NFATC1: variants seen among roughly 807,000 people sequenced by gnomAD.
NFATC1 encodes the protein nuclear factor of activated T-cells, cytoplasmic 1.
Under a neutral mutation model 76.0 loss-of-function variants are expected in NFATC1, and 22 were observed. That is an observed-to-expected ratio of 0.29 (90% CI 0.21 to 0.41). The LOEUF is 0.41. Ranked by LOEUF, NFATC1 falls within the 10% of genes least tolerant of loss-of-function variation. The pLI is 1.00. For missense variants in NFATC1, 1,357 were observed against 1,337.7 expected (o/e 1.01, Z -0.23); for synonymous variants, 704 against 613.1 (o/e 1.15, Z -2.19).
rs2085628605 is a variant in NFATC1, at chr18:79,410,483, C to T, written c.208C>T (p.His70Tyr). The T allele has an allele frequency of 6.2e-7, 1 of 1,612,414 alleles. No homozygotes were observed. Among genetic ancestry groups the T allele is most frequent in the Middle Eastern group, 1.6e-4 (1 of 6,062 alleles). The change falls in exon 2 of 10, where the codon CAC becomes TAC. Residue 70 changes from histidine (H) to tyrosine (Y), a missense_variant. By Grantham distance (83) the His-to-Tyr change is moderately conservative (BLOSUM62 2). This residue lies in a region of NFATC1 where 691 missense variants were observed against 613.1 expected (regional missense o/e 1.13). Coordinates refer to ENST00000427363, the MANE Select transcript of NFATC1 (RefSeq NM_001278669.2). This position sits in a 1 kb window ranked among gnomAD's most constrained non-coding sequence, Gnocchi z 6.7. ...TAHSTLPAPC[H>Y]NLQTSTPGII... ...GCACTCCACCCTGCCGGCCCCGTGC[C>T]ACAACCTTCAGACCTCCACACCGGG... is the stretch of plus-strand genomic sequence containing the variant.
At chr18:79,500,097 T>C (rs1226795366) in intron 9 of NFATC1, among the ~76,000 whole-genome samples, 1 of 152,098 alleles carries the variant, frequency 6.6e-6, no homozygotes, top group African/African-American at 2.4e-5. Context: ...ATAAAACACT[T>C]AAGACTATCA....
intron 3 of NFATC1, among the ~76,000 whole-genome samples, chr18:79,441,910 C>T (rs1234551465): frequency 1.3e-5 from 2 of 152,064 alleles, no homozygotes; most frequent in African/African-American, 2.4e-5. Flanking sequence ...GTGGTGTTTC[C>T]GGGCAGAATC....
chr18:79,486,493 G>A lies in NFATC1; in HGVS notation c.2338G>A (p.Val780Ile), dbSNP rs376070934. ...DLSPAAYTKG[V>I]ASPGHCHLGL... Reference sequence around the variant, plus strand: ...TTCTCCCGCTGCCTACACCAAGGGCGTTGCCAGCCCGGGCCACTGTCACCT... The same window carrying A: ...TTCTCCCGCTGCCTACACCAAGGGCATTGCCAGCCCGGGCCACTGTCACCT... Residue 780 changes from valine to isoleucine, a missense_variant, in exon 9 of 10, where the codon GTT (valine) becomes ATT (isoleucine). Transcript: ENST00000427363. 9.3e-5 allele frequency: 149 copies of A among 1,606,122 alleles called. 1 individual carries two copies. The highest frequency in any genetic ancestry group is 7.9e-4 in the African/African-American group (59 of 75,040).
chr18:79,472,275 C>A (rs1324334136), intron 8 of NFATC1, among the ~76,000 whole-genome samples: 1 of 152,156 alleles, frequency 6.6e-6, no homozygotes, highest in East Asian at 1.9e-4. Context: ...CTCTAGGAAG[C>A]CCCCTCCAGG....
chr18:79,446,936 C>G (rs1467904466), intron 3 of NFATC1, among the ~76,000 whole-genome samples: 1 of 152,230 alleles, frequency 6.6e-6, no homozygotes, highest in East Asian at 1.9e-4. Context: ...CCTTCGATGT[C>G]TCAGCTGGGA....
At position 79,478,475 on chromosome 18, in the gene NFATC1, G is replaced by A. The variant is rs546358757; in HGVS notation, c.2093-7773G>A. ...GCCTGCCCTGGGGCTGCATAGACCC[G>A]GCTGGGGCTTTAGAACAGGAACCGT... is the stretch of plus-strand genomic sequence containing the variant. On this transcript the variant is annotated intron_variant, in intron 8 of 9. Coordinates refer to ENST00000427363, the MANE Select transcript of NFATC1 (RefSeq NM_001278669.2). 5.3e-5 allele frequency among the ~76,000 whole-genome samples: 8 copies of A among 152,290 alleles called. No homozygotes were observed. The East Asian group carries it at 5.8e-4, about 11-fold the overall frequency.
intron 8 of NFATC1, among the ~76,000 whole-genome samples, chr18:79,479,339 C>T (rs2089193372): frequency 2.0e-5 from 3 of 150,690 alleles, no homozygotes; most frequent in Admixed American, 2.0e-4. Context: ...TGTGCGGCCC[C>T]CTCCACGGGC....
intron 3 of NFATC1, among the ~76,000 whole-genome samples, chr18:79,446,489 G>A (rs1272394963): frequency 2.0e-5 from 3 of 152,086 alleles, no homozygotes; most frequent in African/African-American, 4.8e-5. Flanking sequence ...GGAATACTGC[G>A]TGGCAGAATC....
chr18:79,433,735 G>T lies in NFATC1; in HGVS notation c.1383G>T (p.Val461=). ...CGTCGGCCGGAGGACACCCCATCGTGCAGGTAGGCACTGCGGCCAGACTCG... is the reference window on the plus strand; with the variant it reads ...CGTCGGCCGGAGGACACCCCATCGTTCAGGTAGGCACTGCGGCCAGACTCG... ...VKASAGGHPI[V]QLHGYLENEP... The change falls in exon 3 of 10, where the codon GTG becomes GTT. Residue 461 remains valine, a synonymous_variant. Transcript: ENST00000427363. The T allele has an allele frequency of 1.2e-6, 2 of 1,611,712 alleles. No homozygotes were observed. The highest frequency in any genetic ancestry group is 1.7e-6 in the Non-Finnish European group (2 of 1,179,438).
At chr18:79,448,761 T>C in intron 3 of NFATC1, 21 bp from the exon 4 acceptor site, 1 of 1,608,978 alleles carries the variant, frequency 6.2e-7, no homozygotes, top group Non-Finnish European at 8.5e-7. Context: ...GCTGAGCAGG[T>C]GTTTTCTGTT....
chr18:79,449,054 G>C (rs1433555273), intron 4 of NFATC1, 70 bp downstream of exon 4: 74 of 1,499,826 alleles, frequency 4.9e-5, no homozygotes, highest in Non-Finnish European at 6.6e-5. Context: ...TCCCAGTCCC[G>C]GGGGGTCTGG....
intron 9 of NFATC1, among the ~76,000 whole-genome samples, chr18:79,522,317 T>G (rs1601010340): frequency 8.4e-6 from 1 of 118,500 alleles, no homozygotes. Context: ...TGGCGCCTGC[T>G]GATGTGTGTG....
chr18:79,477,141 C>G (rs776387739), intron 8 of NFATC1, among the ~76,000 whole-genome samples: 5 of 152,188 alleles, frequency 3.3e-5, no homozygotes, highest in Non-Finnish European at 7.3e-5. Context: ...CAGCTTCATC[C>G]GCTGTTTTCT....
At chr18:79,437,807 G>A (rs1172537634) in intron 3 of NFATC1, among the ~76,000 whole-genome samples, 1 of 152,232 alleles carries the variant, frequency 6.6e-6, no homozygotes, top group South Asian at 2.1e-4. Context: ...GAGTTCGCGA[G>A]TGCTCTGGGT....
chr18:79,415,662 A>T (rs2148212401), intron 2 of NFATC1, among the ~76,000 whole-genome samples: 1 of 152,332 alleles, frequency 6.6e-6, no homozygotes, highest in East Asian at 1.9e-4. Flanking sequence ...TGAGGTAAAG[A>T]AAAAGAATTC....
At chr18:79,428,150 C>T (rs550873402) in intron 2 of NFATC1, among the ~76,000 whole-genome samples, 5 of 152,172 alleles carry the variant, frequency 3.3e-5, no homozygotes, top group South Asian at 2.1e-4. Flanking sequence ...GTGCGGGGGC[C>T]GGCCTCGGGC....
chr18:79,472,993 G>C (rs2088848225), intron 8 of NFATC1, among the ~76,000 whole-genome samples: 1 of 152,214 alleles, frequency 6.6e-6, no homozygotes, highest in South Asian at 2.1e-4. Flanking sequence ...TCCTGCACAG[G>C]AACCAGGGTG....
At chr18:79,406,227 G>T (rs184552453) in intron 1 of NFATC1, among the ~76,000 whole-genome samples, 1 of 152,356 alleles carries the variant, frequency 6.6e-6, no homozygotes, top group Non-Finnish European at 1.5e-5. Flanking sequence ...GTTCAGCTGT[G>T]GGATCAGCTG....
At chr18:79,461,829 G>A (rs1233722531) in intron 7 of NFATC1, among the ~76,000 whole-genome samples, 4 of 152,192 alleles carry the variant, frequency 2.6e-5, no homozygotes, top group African/African-American at 4.8e-5. Flanking sequence ...AGGGCTCTGC[G>A]GCATCCCCAG....
Sources: gnomAD v4.1 joint callset for allele counts (sites outside exome capture counted in the v4.1 genomes callset) on GRCh38, gnomAD v4.1.1 for gene constraint, gnomAD v4.1.1 regional missense constraint, Gnocchi (gnomAD v3.1) non-coding constraint, MANE v1.5 for transcripts, NCBI Gene and HGNC (gene_info 2026-07-23, HGNC 2026-07-21) for gene names.